Variants in EXOC2 observed in about 807,000 individuals in gnomAD.
The protein encoded by EXOC2 is SEC5-like 1.
Under a neutral mutation model 131.8 loss-of-function variants are expected in EXOC2, and 70 were observed. The observed-to-expected ratio is 0.53, with a 90% CI of 0.44 to 0.65. EXOC2 has a LOEUF of 0.65. EXOC2 is among the 30% of genes least tolerant of loss of function. EXOC2 has a pLI of 0.00. For synonymous variants in EXOC2, 411 were observed against 398.4 expected, an observed-to-expected ratio of 1.03 and a Z score of -0.38; for missense variants, 923 against 1,108.6, an observed-to-expected ratio of 0.83 and a Z score of 2.38.
intron 21 of EXOC2, 107 bp from the exon 22 acceptor site, chr6:549,398 T>C: frequency 2.6e-6 from 2 of 759,918 alleles, no homozygotes; most frequent in Non-Finnish European, 4.4e-6. Flanking sequence ...AACGTCAATA[T>C]CCAATGCTTT....
intron 26 of EXOC2, among the ~76,000 whole-genome samples, chr6:489,853 CAG>C (rs140702280): frequency 0.016 from 2,455 of 152,156 alleles, 74 homozygotes; most frequent in African/African-American, 0.054. Context: ...TTCCTCAAAT[CAG>C]GGGCAAGTGT....
intron 3 of EXOC2, among the ~76,000 whole-genome samples, chr6:630,972 G>C (rs72835974): frequency 6.6e-6 from 1 of 152,182 alleles, no homozygotes; most frequent in Non-Finnish European, 1.5e-5. Context: ...ACTGAACTCC[G>C]TTATCATTCA....
At chr6:687,168 A>ATTTTT (rs1292769233) in intron 1 of EXOC2, among the ~76,000 whole-genome samples, 102 of 40,522 alleles carry the variant, frequency 2.5e-3, no homozygotes, top group Non-Finnish European at 3.5e-3. Flanking sequence ...ATCAAATAAT[A>ATTTTT]TTCTTTTTTT....
intron 23 of EXOC2, among the ~76,000 whole-genome samples, chr6:515,487 AC>A (rs1344439752): frequency 1.3e-5 from 2 of 152,190 alleles, no homozygotes; most frequent in Non-Finnish European, 2.9e-5. Context: ...AGGGACTGAT[AC>A]CCTGACGCCC....
chr6:620,827 G>A (rs1401306031), intron 4 of EXOC2, among the ~76,000 whole-genome samples: 1 of 152,224 alleles, frequency 6.6e-6, no homozygotes, highest in Admixed American at 6.5e-5. Flanking sequence ...TAGAGGTTAA[G>A]GGTGGGATGG....
intron 23 of EXOC2, among the ~76,000 whole-genome samples, chr6:507,077 C>A (rs1009015191): frequency 1.9e-4 from 27 of 145,716 alleles, no homozygotes; most frequent in Non-Finnish European, 9.1e-5. Flanking sequence ...CACACACACA[C>A]ACAGCAGTGA....
intron 17 of EXOC2, among the ~76,000 whole-genome samples, chr6:561,927 C>T (rs532714166): frequency 1.6e-4 from 24 of 152,298 alleles, no homozygotes; most frequent in African/African-American, 4.1e-4. Flanking sequence ...GGAGCAGCCA[C>T]GTGCTCTCCC....
chr6:511,980 T>TTC lies in EXOC2; in HGVS notation c.2381-12282_2381-12281dup, dbSNP rs543533113. On this transcript the variant is annotated intron_variant, in intron 23 of 27. Coordinates refer to ENST00000230449, the MANE Select transcript of EXOC2 (RefSeq NM_018303.6). Reference sequence around the variant, plus strand: ...AAAAATAAGTGCAACCCCTTTACTCTTCCTGGTATCTTTATCGTTCATTCA... The same window carrying TTC: ...AAAAATAAGTGCAACCCCTTTACTCTTCTCCTGGTATCTTTATCGTTCATTCA... Among the ~76,000 whole-genome samples the TTC allele has an allele frequency of 2.9e-4, 44 of 152,352 alleles. No individual in the cohort carries two copies. In the East Asian group the frequency reaches 7.7e-3, roughly 27 times the overall value.
intron 7 of EXOC2, among the ~76,000 whole-genome samples, chr6:609,274 G>T (rs1760590821): frequency 6.6e-6 from 1 of 152,236 alleles, no homozygotes; most frequent in South Asian, 2.1e-4. Context: ...AATTTTTAAA[G>T]ATCTGGTGTG....
intron 18 of EXOC2, 142 bp downstream of exon 18, chr6:556,342 G>T: frequency 1.2e-6 from 1 of 856,516 alleles, no homozygotes; most frequent in Non-Finnish European, 1.8e-6. Context: ...TCGGAAATCA[G>T]CACATCTACG....
rs35823355 is a variant in EXOC2, at chr6:505,139, GA to G, written c.2381-5440del. ...TGCATATAGGAACACAACAACGGCA[GA>G]AAAAAAAAACACGAATACAACATGA... is the stretch of plus-strand genomic sequence containing the variant. On this transcript the variant is annotated intron_variant, in intron 23 of 27. Coordinates refer to ENST00000230449, the MANE Select transcript of EXOC2 (RefSeq NM_018303.6). 8.7e-4 allele frequency among the ~76,000 whole-genome samples: 129 copies of G among 147,608 alleles called. 1 individual carries two copies. The highest frequency in any genetic ancestry group is 2.2e-3 in the East Asian group (11 of 5,058).
intron 10 of EXOC2, among the ~76,000 whole-genome samples, chr6:595,568 C>T (rs1408257677): frequency 6.6e-6 from 1 of 151,948 alleles, no homozygotes; most frequent in Non-Finnish European, 1.5e-5. Flanking sequence ...TTGGCACTAC[C>T]ACCTTTTAAA....
intron 17 of EXOC2, among the ~76,000 whole-genome samples, chr6:558,990 G>A (rs537077251): frequency 5.3e-5 from 8 of 152,068 alleles, no homozygotes; most frequent in African/African-American, 9.7e-5. Context: ...CAGTTGAACC[G>A]GGAGTAGGTG....
At chr6:512,679 C>T (rs1764921730) in intron 23 of EXOC2, among the ~76,000 whole-genome samples, 1 of 152,050 alleles carries the variant, frequency 6.6e-6, no homozygotes, top group African/African-American at 2.4e-5. Flanking sequence ...TATTGTTAGC[C>T]CCGTGGTCTG....
At chr6:522,271 G>A (rs1281956913) in intron 23 of EXOC2, among the ~76,000 whole-genome samples, 5 of 151,890 alleles carry the variant, frequency 3.3e-5, no homozygotes, top group African/African-American at 7.3e-5. Context: ...AGGTCCACGC[G>A]GACTGCAGGA....
At chr6:504,788 A>G (rs935591544) in intron 23 of EXOC2, among the ~76,000 whole-genome samples, 4 of 152,222 alleles carry the variant, frequency 2.6e-5, no homozygotes, top group Admixed American at 6.5e-5. Flanking sequence ...CTGTGTATCT[A>G]TCATGTGCTG....
chr6:640,663 G>T (rs773207679), intron 1 of EXOC2, among the ~76,000 whole-genome samples: 2 of 152,128 alleles, frequency 1.3e-5, no homozygotes, highest in African/African-American at 4.8e-5. Flanking sequence ...CACACAGAGG[G>T]AAGGACATAC....
intron 1 of EXOC2, among the ~76,000 whole-genome samples, chr6:654,200 T>C (rs1293701056): frequency 1.3e-5 from 2 of 152,204 alleles, no homozygotes; most frequent in Admixed American, 1.3e-4. Context: ...CCGCAGTTCA[T>C]GGATCAAGGA....
rs1763043671 is a variant in EXOC2 at position 486,339 on chromosome 6, A to C, written c.*332T>G. ...TGAACGGGACACTGAGAAATGCTTC[A>C]ATATGTGCCACGCCATTCCAGAAAA... On this transcript the variant is annotated 3_prime_UTR_variant, in exon 28 of 28. Transcript: ENST00000230449. 1 of 225,566 alleles carries C rather than the reference A, an allele frequency of 4.4e-6. No homozygotes were observed. Among genetic ancestry groups the C allele is most frequent in the Non-Finnish European group, 8.7e-6 (1 of 115,154 alleles). The allele number at this position is 225,566 out of a possible 1,614,324, so 14.0% of individuals were successfully genotyped here.
Sources: allele counts gnomAD v4.1 joint callset (sites outside exome capture counted in the v4.1 genomes callset), GRCh38; gene constraint gnomAD v4.1.1; transcripts MANE v1.5; gene names NCBI Gene and HGNC (gene_info 2026-07-23, HGNC 2026-07-21).